HDGFL2: variants seen among roughly 807,000 people sequenced by gnomAD.
HDGFL2 encodes the protein hepatoma-derived growth factor-related protein 2.
Under a neutral mutation model 77.1 loss-of-function variants are expected in HDGFL2, and 36 were observed. The observed-to-expected ratio is 0.47, with a 90% CI of 0.36 to 0.62. The LOEUF (loss-of-function observed/expected upper bound fraction) is 0.62, where lower values mean the gene tolerates loss of function less well. Ranked by LOEUF, HDGFL2 falls within the 20% of genes least tolerant of loss-of-function variation. HDGFL2 has a pLI of 0.00. For missense variants in HDGFL2, 976 were observed against 973.4 expected (o/e 1.00, Z -0.04); for synonymous variants, 463 against 413.1 (o/e 1.12, Z -1.46).
rs775237759 is a variant in HDGFL2, at chr19:4,475,295, C to T, written c.93C>T (p.Gly31=). 5.0e-6 allele frequency: 8 copies of T among 1,613,926 alleles called. No homozygotes were observed. The East Asian group carries it at 1.3e-4, about 27-fold the overall frequency. Residue 31 remains glycine (G), a synonymous_variant, in exon 2 of 16, where the codon GGC becomes GGT. Transcript: ENST00000616600. ...WPARIDDIAD[G]AVKPPPNKYP... is the part of the protein sequence containing the mutation. Reference sequence around the variant, plus strand: ...TGCAGATCGACGACATCGCGGATGGCGCCGTGAAGCCCCCACCCAACAAGT... The same window carrying T: ...TGCAGATCGACGACATCGCGGATGGTGCCGTGAAGCCCCCACCCAACAAGT...
At chr19:4,472,939 C>T (rs1346821965) in intron 1 of HDGFL2, among the ~76,000 whole-genome samples, 1 of 150,194 alleles carries the variant, frequency 6.7e-6, no homozygotes, top group Non-Finnish European at 1.5e-5. Context: ...CCTAGGGGTT[C>T]TGAGGGTGTC....
At position 4,472,450 on chromosome 19, in the gene HDGFL2, TGGGGGGGGGG is replaced by T. The variant is rs57169858; in HGVS notation, c.72+36_72+45del. ...GAGGCCGCGCGGGAGATGGGGCCGG[TGGGGGGGGGG>T]GGGGGGGCAGCGGGGGCCCCGGGCC... On this transcript the variant is annotated intron_variant, in intron 1 of 15. Transcript: ENST00000616600. The T allele has an allele frequency of 8.5e-5, 24 of 282,884 alleles. 1 individual carries two copies. The highest frequency in any genetic ancestry group is 1.4e-4 in the Non-Finnish European group (23 of 169,912). The allele number at this position is 282,884 out of a possible 1,614,324, so 17.5% of individuals were successfully genotyped here. A position where few individuals can be genotyped will look rare whatever the true frequency, so the allele number is the denominator to read the frequency against.
At chr19:4,481,347 C>T (rs1975212304) in intron 3 of HDGFL2, among the ~76,000 whole-genome samples, 1 of 152,122 alleles carries the variant, frequency 6.6e-6, no homozygotes, top group South Asian at 2.1e-4. Flanking sequence ...CCCGCCACCA[C>T]TCCTGGCTAA....
intron 12 of HDGFL2, 70 bp from the exon 13 acceptor site, chr19:4,498,744 C>T (rs1219747955): frequency 9.0e-6 from 9 of 1,004,844 alleles, no homozygotes; most frequent in African/African-American, 1.6e-5. Flanking sequence ...TTCCTCCACC[C>T]ATCGGGGCCC....
At chr19:4,473,621 G>C (rs1390023994) in intron 1 of HDGFL2, among the ~76,000 whole-genome samples, 1 of 150,244 alleles carries the variant, frequency 6.7e-6, no homozygotes, top group Non-Finnish European at 1.5e-5. Context: ...TCCAGGGTTG[G>C]AGGAGGCAGT....
intron 3 of HDGFL2, among the ~76,000 whole-genome samples, chr19:4,479,360 GATCACA>G (rs1203475663): frequency 6.6e-6 from 1 of 151,852 alleles, no homozygotes; most frequent in Non-Finnish European, 1.5e-5. Context: ...GAGGCGGGCA[GATCACA>G]AGGTCAGGTG....
chr19:4,498,009 C>G lies in HDGFL2; in HGVS notation c.1380C>G (p.Asp460Glu), dbSNP rs755309497. ...AGCGGTCCGAGGGCTTCTCGATGGA[C>G]AGGAAGGTAGAGAAGAAGAAAGGTG... The part of the protein sequence containing the change: ...TRKRSEGFSM[D>E]RKVEKKKEPS... Residue 460 changes from aspartate to glutamate, a missense_variant, in exon 11 of 16, where the codon GAC (aspartate) becomes GAG (glutamate). Asp to Glu is a conservative substitution (Grantham distance 45). This residue lies in a region of HDGFL2 where 567 missense variants were observed against 534.7 expected (regional missense o/e 1.06). Coordinates refer to ENST00000616600, the MANE Select transcript of HDGFL2 (RefSeq NM_001001520.3). The G allele has an allele frequency of 1.3e-6, 2 of 1,556,444 alleles. No individual in the cohort carries two copies. Among genetic ancestry groups the G allele is most frequent in the Admixed American group, 1.9e-5 (1 of 51,412 alleles).
intron 14 of HDGFL2, among the ~76,000 whole-genome samples, chr19:4,500,014 G>C (rs545605361): frequency 6.2e-5 from 9 of 144,516 alleles, no homozygotes; most frequent in African/African-American, 1.8e-4. Flanking sequence ...CGCCCAGAGA[G>C]GGGGGTGGCT....
intron 6 of HDGFL2, among the ~76,000 whole-genome samples, chr19:4,493,096 G>GTGT (rs146818161): frequency 2.4e-5 from 1 of 42,178 alleles, no homozygotes; most frequent in African/African-American, 1.1e-4. Flanking sequence ...TTATCTGTGT[G>GTGT]GTGTGTGGTG....
chr19:4,488,710 C>A lies in HDGFL2; in HGVS notation c.323C>A (p.Ala108Asp). 6.4e-7 allele frequency: 1 copy of A among 1,551,184 alleles called. No homozygotes were observed. The change falls in exon 4 of 16, where the codon GCC becomes GAC. Residue 108 changes from alanine (A) to aspartate (D), a missense_variant. Coordinates refer to ENST00000616600, the MANE Select transcript of HDGFL2 (RefSeq NM_001001520.3). ...VSSSDSEAPEANPADGSDADE... is the reference protein window; with the variant it reads ...VSSSDSEAPEDNPADGSDADE... ...TCCTCCGACAGCGAGGCCCCCGAGGCCAACCCCGCCGACGGCAGTGACGCT... is the reference window on the plus strand; with the variant it reads ...TCCTCCGACAGCGAGGCCCCCGAGGACAACCCCGCCGACGGCAGTGACGCT...
intron 3 of HDGFL2, among the ~76,000 whole-genome samples, chr19:4,487,738 C>T (rs893520081): frequency 2.0e-5 from 3 of 152,222 alleles, no homozygotes; most frequent in East Asian, 3.8e-4. Context: ...GCCCGACACT[C>T]ATGACTGCTC....
chr19:4,488,894 T>G lies in HDGFL2; in HGVS notation c.489+18T>G, dbSNP rs771874307. ...CGCTAAAGGTAGGGGAGGACCAAGGTGGGCTGGCCCTTCATCCCCTTGCCC... is the reference window on the plus strand; with the variant it reads ...CGCTAAAGGTAGGGGAGGACCAAGGGGGGCTGGCCCTTCATCCCCTTGCCC... On this transcript the variant is annotated intron_variant, in intron 4 of 15. Coordinates refer to ENST00000616600, the MANE Select transcript of HDGFL2 (RefSeq NM_001001520.3). 1.9e-6 allele frequency: 3 copies of G among 1,543,944 alleles called. No homozygotes were observed. The South Asian group carries it at 3.6e-5, about 18-fold the overall frequency.
In HDGFL2 at chr19:4,493,680, CGCCTGTCCCT is replaced by C; in HGVS notation, c.679-20_679-11del. 1 of 1,442,024 alleles carries C rather than the reference CGCCTGTCCCT, an allele frequency of 6.9e-7. No individual in the cohort carries two copies. The highest frequency in any genetic ancestry group is 9.2e-7 in the Non-Finnish European group (1 of 1,091,434). The allele number at this position is 1,442,024 out of a possible 1,614,324, so 89.3% of individuals were successfully genotyped here. On this transcript the variant is annotated splice_polypyrimidine_tract_variant and intron_variant, in intron 6 of 15. Coordinates refer to ENST00000616600, the MANE Select transcript of HDGFL2 (RefSeq NM_001001520.3). ...CTCACGGTGGGGCTCCTGATGCTCACGCCTGTCCCTGCTTCTCCCCAGAAGGCGCCATCAG... is the reference window on the plus strand; with the variant it reads ...CTCACGGTGGGGCTCCTGATGCTCACGCTTCTCCCCAGAAGGCGCCATCAG...
At position 4,498,303 on chromosome 19, in the gene HDGFL2, C is replaced by T; in HGVS notation, c.1403-3C>T. 1.9e-6 allele frequency: 3 copies of T among 1,612,944 alleles called. No individual in the cohort carries two copies. The highest frequency in any genetic ancestry group is 2.5e-6 in the Non-Finnish European group (3 of 1,179,642). On this transcript the variant is annotated splice_polypyrimidine_tract_variant and splice_region_variant and intron_variant, in intron 11 of 15. Coordinates refer to ENST00000616600, the MANE Select transcript of HDGFL2 (RefSeq NM_001001520.3). ...CCACACGGTGCTCTCTCTCCTGGCC[C>T]AGAGCCCTCCGTGGAGGAGAAGCTG...
At chr19:4,476,893 T>G (rs1460687619) in intron 3 of HDGFL2, among the ~76,000 whole-genome samples, 2 of 149,338 alleles carry the variant, frequency 1.3e-5, no homozygotes, top group African/African-American at 2.5e-5. Flanking sequence ...TGTGACAGGC[T>G]GGGGGCCGGG....
At chr19:4,476,946 G>A (rs1975088779) in intron 3 of HDGFL2, among the ~76,000 whole-genome samples, 1 of 151,932 alleles carries the variant, frequency 6.6e-6, no homozygotes, top group African/African-American at 2.4e-5. Context: ...AATTTGGCGG[G>A]GAGGCCCAGG....
intron 10 of HDGFL2, chr19:4,497,630 G>A (rs935021393): frequency 3.0e-5 from 12 of 397,116 alleles, no homozygotes; most frequent in African/African-American, 1.8e-4. Flanking sequence ...TCCTGCACGC[G>A]TGTCACCCTT....
At chr19:4,483,537 G>A (rs755471483) in intron 3 of HDGFL2, among the ~76,000 whole-genome samples, 2 of 152,166 alleles carry the variant, frequency 1.3e-5, no homozygotes, top group East Asian at 1.9e-4. Context: ...TGCAGCATCC[G>A]CCCAGCCCTG....
rs950004663 is a variant in HDGFL2 at position 4,485,658 on chromosome 19, C to T, written c.289-3018C>T. On this transcript the variant is annotated intron_variant, in intron 3 of 15. Coordinates refer to ENST00000616600, the MANE Select transcript of HDGFL2 (RefSeq NM_001001520.3). The stretch of plus-strand genomic sequence containing the variant: ...TTGGGAGGCTGAGGCAGGAGAATGG[C>T]GTGAACCCAGCAGGCGGAGCTTGCA... Among the ~76,000 whole-genome samples, 88 of 151,866 alleles carry T rather than the reference C, an allele frequency of 5.8e-4. 1 individual carries two copies. The highest frequency in any genetic ancestry group is 1.9e-3 in the African/African-American group (79 of 41,420).
Sources: gnomAD v4.1 joint callset for allele counts (sites outside exome capture counted in the v4.1 genomes callset) on GRCh38, gnomAD v4.1.1 for gene constraint, gnomAD v4.1.1 regional missense constraint, MANE v1.5 for transcripts, NCBI Gene and HGNC (gene_info 2026-07-23, HGNC 2026-07-21) for gene names.